The following DPP10 variants were observed in gnomAD, a reference collection of about 807,000 sequenced individuals.
DPP10 encodes the protein dipeptidyl peptidase like 10, also known as inactive dipeptidyl peptidase 10.
DPP10 carries 33 observed loss-of-function variants against 120.9 expected under a neutral mutation model. That is an observed-to-expected ratio of 0.27 (90% confidence interval 0.21 to 0.37). The LOEUF is 0.37. Among genes scored for constraint, DPP10 ranks in the 10% least tolerant of loss-of-function variants. The pLI, the probability that DPP10 is intolerant of heterozygous loss-of-function variation, is 1.00. For missense variants in DPP10, 816 were observed against 942.8 expected, an observed-to-expected ratio of 0.87 and a Z score of 1.76; for synonymous variants, 337 against 326.1, an observed-to-expected ratio of 1.03 and a Z score of -0.36.
At chr2:115,518,999 C>T (rs1289400633) in intron 4 of DPP10, among the ~76,000 whole-genome samples, 4 of 152,236 alleles carry the variant, frequency 2.6e-5, no homozygotes, top group Middle Eastern at 6.8e-3. Context: ...CTGAACTTCA[C>T]ATAAATAATT....
chr2:115,678,251 T>C (rs969965127), intron 5 of DPP10, among the ~76,000 whole-genome samples: 2 of 152,246 alleles, frequency 1.3e-5, no homozygotes, highest in African/African-American at 4.8e-5. Context: ...CTTCACGGCA[T>C]CCCCGCCTGT....
chr2:115,515,205 G>A (rs548325101), intron 4 of DPP10, among the ~76,000 whole-genome samples: 54 of 144,836 alleles, frequency 3.7e-4, no homozygotes, highest in Non-Finnish European at 7.0e-4. Context: ...CAGCAAAGCA[G>A]GCATATTTCA....
At chr2:114,581,138 T>C (rs989942179) in intron 1 of DPP10, among the ~76,000 whole-genome samples, 1 of 150,926 alleles carries the variant, frequency 6.6e-6, no homozygotes, top group African/African-American at 2.4e-5. Flanking sequence ...AGAAAATTCA[T>C]AGAAATATAA....
At chr2:115,545,158 C>T (rs1244668316) in intron 5 of DPP10, among the ~76,000 whole-genome samples, 1 of 151,998 alleles carries the variant, frequency 6.6e-6, no homozygotes, top group Non-Finnish European at 1.5e-5. Context: ...TAAAATACTC[C>T]ATGTCAATGG....
At chr2:115,329,393 C>G (rs1282936807) in intron 2 of DPP10, among the ~76,000 whole-genome samples, 1 of 151,964 alleles carries the variant, frequency 6.6e-6, no homozygotes, top group East Asian at 1.9e-4. Flanking sequence ...TATTATTAGG[C>G]TTTGTAAGAT....
intron 1 of DPP10, among the ~76,000 whole-genome samples, chr2:114,910,590 G>A (rs954647351): frequency 1.4e-4 from 21 of 151,966 alleles, no homozygotes; most frequent in African/African-American, 3.6e-4. Flanking sequence ...AGCAGTTTGT[G>A]GTCATTGGCC....
chr2:114,925,583 G>T (rs1308430524), intron 1 of DPP10, among the ~76,000 whole-genome samples: 1 of 152,090 alleles, frequency 6.6e-6, no homozygotes, highest in African/African-American at 2.4e-5. Context: ...ACAATATTTT[G>T]GAGAAAAACA....
intron 12 of DPP10, among the ~76,000 whole-genome samples, 193 bp from the exon 13 acceptor site, chr2:115,768,104 A>G (rs1681013185): frequency 6.6e-6 from 1 of 152,166 alleles, no homozygotes; most frequent in Non-Finnish European, 1.5e-5. Context: ...AACCACATAC[A>G]TATGTAATGT....
intron 7 of DPP10, among the ~76,000 whole-genome samples, chr2:115,718,855 A>G (rs2092572104): frequency 6.6e-6 from 1 of 152,166 alleles, no homozygotes; most frequent in Admixed American, 6.5e-5. Flanking sequence ...GTGAAAAAGG[A>G]GAAAGTTGGG....
intron 1 of DPP10, among the ~76,000 whole-genome samples, chr2:114,728,220 C>T (rs985899890): frequency 6.6e-6 from 1 of 152,096 alleles, no homozygotes; most frequent in African/African-American, 2.4e-5. Context: ...GGAACATAGC[C>T]CCCTTTCCTA....
Position 115,140,583 on chromosome 2 carries a change from G to A in DPP10, c.61-168656G>A, listed in dbSNP as rs181750249. Among the ~76,000 whole-genome samples, 4 of 152,288 alleles carry A rather than the reference G, an allele frequency of 2.6e-5. No individual in the cohort carries two copies. The East Asian group carries it at 5.8e-4, about 22-fold the overall frequency. The stretch of plus-strand genomic sequence containing the variant: ...CTACTCTGAGGAAACTGAAAAGAAG[G>A]AAGACAACAACAAGCTGTTGCAACA... On this transcript the variant is annotated intron_variant, in intron 1 of 25. Transcript: ENST00000410059.
chr2:114,672,786 T>G (rs989387827), intron 1 of DPP10, among the ~76,000 whole-genome samples: 1 of 152,200 alleles, frequency 6.6e-6, no homozygotes, highest in Non-Finnish European at 1.5e-5. Context: ...CACAAGTAAT[T>G]TATCAGTGCT....
Position 115,734,136 on chromosome 2 carries a change from G to A in DPP10, c.698-5603G>A, listed in dbSNP as rs61302848. 4.4e-3 allele frequency among the ~76,000 whole-genome samples: 674 copies of A among 152,206 alleles called. 6 individuals are homozygous for A. Among genetic ancestry groups the A allele is most frequent in the African/African-American group, 0.016 (649 of 41,530 alleles). On this transcript the variant is annotated intron_variant, in intron 8 of 25. Coordinates refer to ENST00000410059, the MANE Select transcript of DPP10 (RefSeq NM_020868.6). Reference sequence around the variant, plus strand: ...TCTATATGATTATTTTGGTACATTAGCATTTTTATGGGGAAGAACATTAAT... The same window carrying A: ...TCTATATGATTATTTTGGTACATTAACATTTTTATGGGGAAGAACATTAAT...
intron 5 of DPP10, among the ~76,000 whole-genome samples, chr2:115,532,024 A>G (rs918568813): frequency 1.3e-5 from 2 of 152,068 alleles, no homozygotes; most frequent in Non-Finnish European, 2.9e-5. Flanking sequence ...GATCCACTCT[A>G]CTGTTGATTA....
intron 2 of DPP10, among the ~76,000 whole-genome samples, chr2:115,311,244 G>T (rs1261363753): frequency 6.6e-6 from 1 of 152,130 alleles, no homozygotes; most frequent in African/African-American, 2.4e-5. Flanking sequence ...TGCATGATGG[G>T]TATAATATTT....
intron 1 of DPP10, among the ~76,000 whole-genome samples, chr2:114,938,979 C>G (rs1378281991): frequency 6.6e-6 from 1 of 152,012 alleles, no homozygotes; most frequent in South Asian, 2.1e-4. Flanking sequence ...CATTTACTTT[C>G]TAACTTTCCT....
chr2:115,324,914 G>A (rs1380480241), intron 2 of DPP10, among the ~76,000 whole-genome samples: 1 of 152,044 alleles, frequency 6.6e-6, no homozygotes, highest in Non-Finnish European at 1.5e-5. Context: ...GGGAATAAGG[G>A]GGCCTGAAGA....
rs62165190 is a variant in DPP10 at position 114,543,880 on chromosome 2, T to G, written c.60+101042T>G. Among the ~76,000 whole-genome samples the G allele has an allele frequency of 9.6e-3, 1,459 of 151,370 alleles. 12 individuals carry two copies. Among genetic ancestry groups the G allele is most frequent in the Middle Eastern group, 0.072 (21 of 292 alleles). On this transcript the variant is annotated intron_variant, in intron 1 of 25. Coordinates refer to ENST00000410059, the MANE Select transcript of DPP10 (RefSeq NM_020868.6). ...TGAATGTAGCTTGTTTTTTTTGTTG[T>G]TGGTGGTGGTGGTGGTTGTTTTTGT...
At chr2:115,320,067 A>T (rs2061985232) in intron 2 of DPP10, among the ~76,000 whole-genome samples, 2 of 152,218 alleles carry the variant, frequency 1.3e-5, no homozygotes, top group South Asian at 4.2e-4. Flanking sequence ...TTGTATCTGT[A>T]TTGTTTGATA....
Sources: gnomAD v4.1 joint callset for allele counts (sites outside exome capture counted in the v4.1 genomes callset) on GRCh38, gnomAD v4.1.1 for gene constraint, MANE v1.5 for transcripts, NCBI Gene and HGNC (gene_info 2026-07-23, HGNC 2026-07-21) for gene names.